CLIC5: variants seen among roughly 807,000 people sequenced by gnomAD.
CLIC5 encodes CLIC family member 5, also known as chloride intracellular channel protein 5.
CLIC5 carries 20 observed loss-of-function variants against 24.7 expected under a neutral mutation model. That is an observed-to-expected ratio of 0.81 (90% CI 0.57 to 1.18). CLIC5 has a LOEUF of 1.18. Ranked by LOEUF, CLIC5 falls within the 50% of genes most tolerant of loss-of-function variation. CLIC5 has a pLI of 0.00. For synonymous variants in CLIC5, 159 were observed against 135.6 expected (o/e 1.17, Z -1.20); for missense variants, 341 against 326.1 (o/e 1.05, Z -0.35).
At chr6:45,935,425 C>A (rs1763895241) in intron 4 of CLIC5, among the ~76,000 whole-genome samples, 1 of 152,196 alleles carries the variant, frequency 6.6e-6, no homozygotes, top group Non-Finnish European at 1.5e-5. Context: ...AGGGGGAGGA[C>A]AGACCTAACT....
intron 3 of CLIC5, among the ~76,000 whole-genome samples, chr6:45,943,008 G>A (rs144913378): frequency 2.0e-5 from 3 of 152,350 alleles, no homozygotes; most frequent in East Asian, 1.9e-4. Context: ...ACAGTGAAAG[G>A]TAATTTGCAT....
chr6:46,090,632 T>C, the CLIC5 span, among the ~76,000 whole-genome samples: 1 of 152,346 alleles, frequency 6.6e-6, no homozygotes, highest in Admixed American at 6.5e-5. Flanking sequence ...CACGATGCCT[T>C]AATATGTGTA....
At chr6:45,951,440 G>A (rs1279222178) in intron 2 of CLIC5, among the ~76,000 whole-genome samples, 3 of 152,208 alleles carry the variant, frequency 2.0e-5, no homozygotes, top group Non-Finnish European at 4.4e-5. Context: ...GGAGCACACT[G>A]ACTACCTGCA....
At chr6:46,089,108 A>T in the CLIC5 span, among the ~76,000 whole-genome samples, 1 of 152,200 alleles carries the variant, frequency 6.6e-6, no homozygotes, top group Non-Finnish European at 1.5e-5. Flanking sequence ...CATTTGGGTA[A>T]GGAGTGGGTA....
chr6:46,057,412 C>T (rs535265437), intron 1 of CLIC5, among the ~76,000 whole-genome samples: 1 of 152,322 alleles, frequency 6.6e-6, no homozygotes, highest in African/African-American at 2.4e-5. Context: ...CTGAGTCCTC[C>T]CCAGCCATGT....
intron 5 of CLIC5, among the ~76,000 whole-genome samples, chr6:45,906,982 ACTT>A (rs1762679637): frequency 6.6e-6 from 1 of 152,146 alleles, no homozygotes; most frequent in Non-Finnish European, 1.5e-5. Context: ...AGAGAATGTG[ACTT>A]CTTCTTTTCC....
upstream of CLIC5, among the ~76,000 whole-genome samples, chr6:46,019,050 A>T (rs969317593): frequency 1.3e-5 from 2 of 151,882 alleles, no homozygotes; most frequent in Non-Finnish European, 2.9e-5. Context: ...CCCTAAAGAA[A>T]CAGCTATTTG....
intron 5 of CLIC5, 56 bp downstream of exon 5, chr6:45,914,172 C>T: frequency 7.1e-7 from 1 of 1,409,654 alleles, no homozygotes; most frequent in South Asian, 1.7e-5. Context: ...ACACAGGTGA[C>T]CTGGGCCTAA....
chr6:45,902,859 G>A lies in CLIC5; in HGVS notation c.*229C>T, dbSNP rs993321781. 2.0e-4 allele frequency: 110 copies of A among 541,266 alleles called. No homozygotes were observed. Among genetic ancestry groups the A allele is most frequent in the African/African-American group, 7.4e-4 (38 of 51,198 alleles). The allele number at this position is 541,266 out of a possible 1,614,324, so 33.5% of individuals were successfully genotyped here. On this transcript the variant is annotated 3_prime_UTR_variant, in exon 6 of 6. Transcript: ENST00000339561. Reference sequence around the variant, plus strand: ...TGAGCCCAGATCAGGCTGGCCGGCCGAAAGGTGGACTGTGTCTATCATTTC... The same window carrying A: ...TGAGCCCAGATCAGGCTGGCCGGCCAAAAGGTGGACTGTGTCTATCATTTC...
upstream of CLIC5, among the ~76,000 whole-genome samples, chr6:46,083,700 TG>T (rs1264124726): frequency 3.3e-5 from 5 of 152,170 alleles, no homozygotes; most frequent in Non-Finnish European, 7.3e-5. Flanking sequence ...TCCAACTATG[TG>T]GTCAATTTTG....
At position 45,926,310 on chromosome 6, in the gene CLIC5, T is replaced by C. The variant is rs181385996; in HGVS notation, c.407-11901A>G. On this transcript the variant is annotated intron_variant, in intron 4 of 5. Transcript: ENST00000339561. ...TCACCCAGGCTGGAGTGCAGTGGTGTGATCTCGGCTCACTGCAAGCTCCAC... is the reference window on the plus strand; with the variant it reads ...TCACCCAGGCTGGAGTGCAGTGGTGCGATCTCGGCTCACTGCAAGCTCCAC... Among the ~76,000 whole-genome samples the C allele has an allele frequency of 2.4e-3, 357 of 151,130 alleles. 1 individual carries two copies. The highest frequency in any genetic ancestry group is 8.3e-3 in the African/African-American group (344 of 41,252).
chr6:45,929,687 G>C (rs935606036), intron 4 of CLIC5, among the ~76,000 whole-genome samples: 1 of 152,190 alleles, frequency 6.6e-6, no homozygotes, highest in East Asian at 1.9e-4. Flanking sequence ...CCTTCACCAA[G>C]ATGGCCTGAT....
intron 2 of CLIC5, among the ~76,000 whole-genome samples, chr6:45,954,068 G>A (rs557840042): frequency 4.6e-5 from 7 of 152,100 alleles, no homozygotes; most frequent in Non-Finnish European, 7.4e-5. Flanking sequence ...AAGGTCAGGA[G>A]TTCAAGACCA....
intron 4 of CLIC5, among the ~76,000 whole-genome samples, chr6:45,937,034 C>T (rs533890497): frequency 4.1e-4 from 62 of 152,082 alleles, no homozygotes; most frequent in Admixed American, 1.2e-3. Context: ...GGCCTAAACA[C>T]GGAGCACAGA....
At chr6:45,998,580 G>T (rs1048769882) in intron 1 of CLIC5, among the ~76,000 whole-genome samples, 1 of 152,170 alleles carries the variant, frequency 6.6e-6, no homozygotes, top group Admixed American at 6.5e-5. Context: ...ATGCAGGATA[G>T]GAATATTAAT....
At chr6:45,969,692 T>C (rs182640718) in intron 1 of CLIC5, among the ~76,000 whole-genome samples, 1 of 152,238 alleles carries the variant, frequency 6.6e-6, no homozygotes, top group East Asian at 1.9e-4. Context: ...TGCTAACCCT[T>C]GCTTATCTTT....
intron 1 of CLIC5, among the ~76,000 whole-genome samples, chr6:45,957,837 G>A (rs535843115): frequency 5.9e-5 from 9 of 152,228 alleles, no homozygotes; most frequent in Admixed American, 3.3e-4. Flanking sequence ...GTTAAATATC[G>A]TGATCTGTGA....
At chr6:45,893,923 A>T (rs1762372799), downstream of CLIC5, among the ~76,000 whole-genome samples, 1 of 152,184 alleles carries the variant, frequency 6.6e-6, no homozygotes, top group South Asian at 2.1e-4. Flanking sequence ...ATGTTTTGCC[A>T]TCTACTTCAA....
At chr6:46,015,357 G>C (rs1038786741) in intron 1 of CLIC5, 123 bp downstream of exon 1, 4 of 996,606 alleles carry the variant, frequency 4.0e-6, no homozygotes, top group Non-Finnish European at 5.5e-6. Flanking sequence ...AAAGGCCACG[G>C]GGGAGCACAG....
Sources: allele counts gnomAD v4.1 joint callset (sites outside exome capture counted in the v4.1 genomes callset), GRCh38; gene constraint gnomAD v4.1.1; transcripts MANE v1.5; gene names NCBI Gene and HGNC (gene_info 2026-07-23, HGNC 2026-07-21).